Variants in LMBR1 observed in about 807,000 individuals in gnomAD.
LMBR1 encodes the protein limb region 1 protein homolog.
A neutral mutation model predicts 73.9 loss-of-function variants in LMBR1; 52 were observed. The observed-to-expected ratio is 0.70, with a 90% CI of 0.56 to 0.89. The LOEUF is 0.89. Among genes scored for constraint, LMBR1 ranks in the 40% least tolerant of loss-of-function variants. The pLI is 0.00. For missense variants in LMBR1, 539 were observed against 579.8 expected, an observed-to-expected ratio of 0.93 and a Z score of 0.72; for synonymous variants, 215 against 209.4, an observed-to-expected ratio of 1.03 and a Z score of -0.23.
chr7:156,725,360 A>G, intron 14 of LMBR1, 75 bp downstream of exon 14: 2 of 844,440 alleles, frequency 2.4e-6, no homozygotes, highest in East Asian at 2.5e-5. Flanking sequence ...TGAACCATTC[A>G]GAATGACTAT....
intron 15 of LMBR1, among the ~76,000 whole-genome samples, chr7:156,711,754 G>A (rs1424683846): frequency 1.3e-5 from 2 of 152,114 alleles, no homozygotes; most frequent in African/African-American, 2.4e-5. Context: ...ATGAAAAAAG[G>A]ATACCCTTTT....
chr7:156,809,024 C>T (rs1279296353), intron 4 of LMBR1, among the ~76,000 whole-genome samples: 1 of 152,190 alleles, frequency 6.6e-6, no homozygotes, highest in Non-Finnish European at 1.5e-5. Flanking sequence ...ACTTTTTAAA[C>T]AGCCAATTAT....
At chr7:156,714,937 TA>T (rs201398786) in intron 15 of LMBR1, among the ~76,000 whole-genome samples, 1,551 of 150,620 alleles carry the variant, frequency 0.01, 30 homozygotes, top group African/African-American at 0.036. Flanking sequence ...AAAAGACTTA[TA>T]AAAAAATACT....
At chr7:156,790,379 A>C (rs2133306655) in intron 5 of LMBR1, among the ~76,000 whole-genome samples, 1 of 152,202 alleles carries the variant, frequency 6.6e-6, no homozygotes, top group Middle Eastern at 3.4e-3. Flanking sequence ...TGTTAGACTC[A>C]TTTTATAAAT....
At chr7:156,855,970 C>G (rs1796907359) in intron 1 of LMBR1, among the ~76,000 whole-genome samples, 2 of 152,152 alleles carry the variant, frequency 1.3e-5, no homozygotes, top group African/African-American at 4.8e-5. Context: ...CCGAGGCGGG[C>G]AGATCACGAG....
intron 15 of LMBR1, among the ~76,000 whole-genome samples, chr7:156,719,457 TACAA>T (rs1199832520): frequency 2.6e-5 from 4 of 152,026 alleles, no homozygotes; most frequent in Admixed American, 2.6e-4. Context: ...TAAAAGAGGT[TACAA>T]ACAAATGGAA....
chr7:156,710,561 T>A (rs1367565279), intron 15 of LMBR1, among the ~76,000 whole-genome samples: 2 of 152,194 alleles, frequency 1.3e-5, no homozygotes, highest in African/African-American at 4.8e-5. Context: ...TAATTAGTGT[T>A]CCTGAGGAAG....
intron 1 of LMBR1, among the ~76,000 whole-genome samples, chr7:156,886,190 G>C (rs1801875505): frequency 6.6e-6 from 1 of 152,136 alleles, no homozygotes; most frequent in African/African-American, 2.4e-5. Flanking sequence ...ATTTTGTAAA[G>C]AGTCACAGCC....
At chr7:156,754,798 T>C (rs1821554145) in intron 9 of LMBR1, among the ~76,000 whole-genome samples, 1 of 152,146 alleles carries the variant, frequency 6.6e-6, no homozygotes, top group Non-Finnish European at 1.5e-5. Flanking sequence ...CTACACATAT[T>C]TCTAAGCATA....
At chr7:156,844,246 C>T (rs769811072) in intron 1 of LMBR1, among the ~76,000 whole-genome samples, 8 of 152,006 alleles carry the variant, frequency 5.3e-5, no homozygotes, top group Admixed American at 1.3e-4. Flanking sequence ...ATCGCTTGAA[C>T]CCGGGAGAAG....
Position 156,881,422 on chromosome 7 carries a change from C to T in LMBR1, c.66+11506G>A, listed in dbSNP as rs1295480494. ...CGAAGGAAGCCTTCACAACACCGGC[C>T]TTGGCAATGATTTCACGGATATAAC... On this transcript the variant is annotated intron_variant, in intron 1 of 16. Transcript: ENST00000353442. Among the ~76,000 whole-genome samples, 4 of 152,308 alleles carry T rather than the reference C, an allele frequency of 2.6e-5. No individual in the cohort carries two copies. In the East Asian group the frequency reaches 7.7e-4, roughly 29 times the overall value.
chr7:156,694,519 A>G (rs1807877019), intron 15 of LMBR1, among the ~76,000 whole-genome samples: 2 of 152,224 alleles, frequency 1.3e-5, no homozygotes, highest in Admixed American at 6.5e-5. Flanking sequence ...GAAGAAGGCA[A>G]GGATGCCCAC....
chr7:156,671,336 G>T (rs1400728576), intron 4 of LMBR1, among the ~76,000 whole-genome samples: 1 of 152,168 alleles, frequency 6.6e-6, no homozygotes. Flanking sequence ...CAGTGTGTGT[G>T]TGAGTGTGGT....
At chr7:156,840,339 A>G (rs1422719452) in intron 1 of LMBR1, among the ~76,000 whole-genome samples, 1 of 152,136 alleles carries the variant, frequency 6.6e-6, no homozygotes, top group East Asian at 1.9e-4. Context: ...TGTCTCACTA[A>G]TAAGGTGACA....
intron 1 of LMBR1, among the ~76,000 whole-genome samples, chr7:156,868,757 G>A (rs975876773): frequency 7.2e-5 from 11 of 151,942 alleles, no homozygotes; most frequent in Non-Finnish European, 1.5e-4. Context: ...CTTGAGCCCA[G>A]GAGTTCAAGA....
At chr7:156,774,322 T>C (rs2133095443) in intron 5 of LMBR1, among the ~76,000 whole-genome samples, 1 of 152,298 alleles carries the variant, frequency 6.6e-6, no homozygotes, top group South Asian at 2.1e-4. Flanking sequence ...TCAAAGAACT[T>C]AAAACAGAAC....
Position 156,805,215 on chromosome 7 carries a change from C to CTTTT in LMBR1, c.320-8727_320-8724dup, listed in dbSNP as rs58044015. Among the ~76,000 whole-genome samples, 47 of 122,736 alleles carry CTTTT rather than the reference C, an allele frequency of 3.8e-4. 2 individuals are homozygous for CTTTT. The highest frequency in any genetic ancestry group is 1.2e-3 in the East Asian group (5 of 4,226). The allele number at this position is 122,736 out of a possible 152,430, so 80.5% of individuals were successfully genotyped here. A position where few individuals can be genotyped will look rare whatever the true frequency, so the allele number is the denominator to read the frequency against. On this transcript the variant is annotated intron_variant, in intron 4 of 16. Coordinates refer to ENST00000353442, the MANE Select transcript of LMBR1 (RefSeq NM_022458.4). The stretch of plus-strand genomic sequence containing the variant: ...TTTATCTTTATGCTAACATCATGCA[C>CTTTT]TTTTTTTTTTTTTTTTTTTTGAGAC...
At chr7:156,870,374 A>G (rs1190576441) in intron 1 of LMBR1, among the ~76,000 whole-genome samples, 2 of 152,252 alleles carry the variant, frequency 1.3e-5, no homozygotes, top group African/African-American at 4.8e-5. Flanking sequence ...TTTTCTGACT[A>G]TAAAAGAATG....
At chr7:156,674,183 C>G (rs1414818977), downstream of LMBR1, among the ~76,000 whole-genome samples, 1 of 152,234 alleles carries the variant, frequency 6.6e-6, no homozygotes, top group African/African-American at 2.4e-5. Context: ...TAGGACAGTT[C>G]AGGTGTCCTG....
Sources: allele counts gnomAD v4.1 joint callset (sites outside exome capture counted in the v4.1 genomes callset), GRCh38; gene constraint gnomAD v4.1.1; transcripts MANE v1.5; gene names NCBI Gene and HGNC (gene_info 2026-07-23, HGNC 2026-07-21).